PRAMEF19: variants seen among roughly 807,000 people sequenced by gnomAD.
PRAMEF19 encodes PRAME family member-like.
A neutral mutation model predicts 33.1 loss-of-function variants in PRAMEF19; 21 were observed. The ratio of observed to expected loss-of-function variants is 0.63; its 90% CI spans 0.45 to 0.91. The LOEUF (loss-of-function observed/expected upper bound fraction) is 0.91. Among genes scored for constraint, PRAMEF19 ranks in the 40% least tolerant of loss-of-function variants. PRAMEF19 has a pLI of 0.00. For synonymous variants in PRAMEF19, 179 were observed against 229.3 expected (o/e 0.78, Z 1.98); for missense variants, 481 against 585.2 (o/e 0.82, Z 1.84).
In PRAMEF19 at chr1:13,370,571, T is replaced by C; in HGVS notation, c.866+78A>G. ...GACATCTCCAGTGGCTGGCACACAG[T>C]AGATGCTGACTAGTGTTTACTGTAA... On this transcript the variant is annotated intron_variant, in intron 2 of 2. Transcript: ENST00000376101. 21 of 1,569,734 alleles carry C rather than the reference T, an allele frequency of 1.3e-5. No homozygotes were observed. The South Asian group carries it at 2.3e-4, about 17-fold the overall frequency.
intron 2 of PRAMEF19, 80 bp downstream of exon 2, chr1:13,370,569 A>G: frequency 1.9e-6 from 3 of 1,564,608 alleles, no homozygotes; most frequent in Non-Finnish European, 2.6e-6. Flanking sequence ...GCTGGCACAC[A>G]GTAGATGCTG....
exon 3 of PRAMEF19, chr1:13,369,557 G>A (rs777187318): frequency 1.2e-6 from 2 of 1,613,808 alleles, no homozygotes; most frequent in African/African-American, 2.7e-5. Context: ...ACTGAGACTT[G>A]GGTACCAGGG....
intron 2 of PRAMEF19, 39 bp downstream of exon 2, chr1:13,370,610 T>C: frequency 1.2e-6 from 2 of 1,612,844 alleles, no homozygotes; most frequent in Non-Finnish European, 1.7e-6. Flanking sequence ...AAAAAGGCTG[T>C]GCTGTGTCCC....
intron 1 of PRAMEF19, 29 bp downstream of exon 1, chr1:13,371,585 C>G: frequency 6.2e-7 from 1 of 1,610,850 alleles, no homozygotes; most frequent in Non-Finnish European, 8.5e-7. Context: ...CCCTGGACAC[C>G]TGGGCCCTCC....
chr1:13,368,966 G>T, downstream of PRAMEF19: 1 of 1,517,384 alleles, frequency 6.6e-7, no homozygotes, highest in Non-Finnish European at 8.9e-7. Context: ...AATAAAAGCT[G>T]TAAAATTGTA....
exon 3 of PRAMEF19, chr1:13,369,579 A>T: frequency 3.7e-6 from 6 of 1,613,968 alleles, no homozygotes; most frequent in Non-Finnish European, 5.1e-6. Context: ...AGACATTTCA[A>T]GTCCTCTTCA....
chr1:13,370,476 G>T (rs1320114023), intron 2 of PRAMEF19, among the ~76,000 whole-genome samples, 173 bp downstream of exon 2: 3 of 152,130 alleles, frequency 2.0e-5, no homozygotes, highest in African/African-American at 7.2e-5. Context: ...TTACTGGAGC[G>T]ATCCTGTGAT....
chr1:13,371,599 C>T lies in PRAMEF19; in HGVS notation c.287+15G>A. On this transcript the variant is annotated intron_variant, in intron 1 of 2. Transcript: ENST00000376101. Reference sequence around the variant, plus strand: ...TCCCTGGACACCTGGGCCCTCCCCACCTGGGTCACCTCACCTGGGGCGAAC... The same window carrying T: ...TCCCTGGACACCTGGGCCCTCCCCATCTGGGTCACCTCACCTGGGGCGAAC... The T allele has an allele frequency of 6.2e-7, 1 of 1,610,898 alleles. No individual in the cohort carries two copies. The highest frequency in any genetic ancestry group is 8.5e-7 in the Non-Finnish European group (1 of 1,179,846).
downstream of PRAMEF19, chr1:13,369,057 C>T (rs1640634321): frequency 6.2e-7 from 1 of 1,611,730 alleles, no homozygotes; most frequent in Non-Finnish European, 8.5e-7. Context: ...CTTTTTATAC[C>T]TCCACCCCAC....
chr1:13,369,063 C>A (rs1569832314), downstream of PRAMEF19: 1 of 1,611,938 alleles, frequency 6.2e-7, no homozygotes, highest in Non-Finnish European at 8.5e-7. Flanking sequence ...ATACCTCCAC[C>A]CCACTAGGCA....
exon 3 of PRAMEF19, chr1:13,369,501 G>A (rs754660509): frequency 2.0e-5 from 32 of 1,613,924 alleles, no homozygotes; most frequent in African/African-American, 4.0e-5. Flanking sequence ...GGCTCAAGAC[G>A]GATGAAGCGC....
exon 3 of PRAMEF19, chr1:13,369,314 A>G (rs1156968661): frequency 1.2e-6 from 2 of 1,612,080 alleles, no homozygotes; most frequent in Admixed American, 1.7e-5. Flanking sequence ...TGTGTGGCGC[A>G]GCAGGTCCTT....
At chr1:13,370,486 T>A (rs1301358313) in intron 2 of PRAMEF19, among the ~76,000 whole-genome samples, 163 bp downstream of exon 2, 5 of 152,080 alleles carry the variant, frequency 3.3e-5, no homozygotes, top group Non-Finnish European at 7.4e-5. Flanking sequence ...GATCCTGTGA[T>A]ACCCACTTCA....
exon 2 of PRAMEF19, chr1:13,370,941 T>C (rs1250018673): frequency 1.1e-5 from 18 of 1,613,622 alleles, no homozygotes; most frequent in Admixed American, 1.7e-5. Flanking sequence ...AAATTTAGAA[T>C]GTTCATTGAA....
exon 3 of PRAMEF19, chr1:13,369,500 C>T (rs753459941): frequency 1.8e-5 from 29 of 1,613,818 alleles, no homozygotes; most frequent in Admixed American, 5.0e-5. Context: ...GGGCTCAAGA[C>T]GGATGAAGCG....
chr1:13,370,957 T>C (rs1321920526), exon 2 of PRAMEF19: 70,915 of 1,586,542 alleles, frequency 0.045, 3,412 homozygotes, highest in East Asian at 0.25. Context: ...TTGAATAATT[T>C]ACCACCTTAG....
downstream of PRAMEF19, chr1:13,369,011 T>G (rs1219290569): frequency 1.2e-6 from 2 of 1,603,524 alleles, no homozygotes; most frequent in African/African-American, 1.3e-5. Flanking sequence ...GATATCTATG[T>G]CCTAGATTTT....
chr1:13,370,828 G>C (rs1569834705), exon 2 of PRAMEF19: 1 of 1,613,946 alleles, frequency 6.2e-7, no homozygotes, highest in Middle Eastern at 1.7e-4. Flanking sequence ...TCTTCATCTG[G>C]CTCAGGTAAC....
chr1:13,369,084 G>T (rs1484854132), exon 3 of PRAMEF19: 46 of 1,611,736 alleles, frequency 2.9e-5, no homozygotes, highest in Non-Finnish European at 3.3e-5. Context: ...GGCCTTCCCC[G>T]CAAGCAAAAA....
Sources: gnomAD v4.1 joint callset for allele counts (sites outside exome capture counted in the v4.1 genomes callset) on GRCh38, gnomAD v4.1.1 for gene constraint, MANE v1.5 for transcripts, NCBI Gene and HGNC (gene_info 2026-07-23, HGNC 2026-07-21) for gene names.